MTCL2: variants seen among roughly 807,000 people sequenced by gnomAD.
MTCL2 encodes the protein microtubule crosslinking factor 2, also known as microtubule cross-linking factor 2.
At chr20:36,790,495 C>G in the MTCL2 span, among the ~76,000 whole-genome samples, 1 of 135,498 alleles carries the variant, frequency 7.4e-6, no homozygotes, top group Non-Finnish European at 1.5e-5. Context: ...AGTGCAGTGG[C>G]GTGGTCTCAG....
the MTCL2 span, chr20:36,785,133 A>G: frequency 6.0e-5 from 59 of 985,316 alleles, no homozygotes; most frequent in African/African-American, 7.0e-4. Flanking sequence ...ATTGAGTAAT[A>G]AGTAGTGTTC....
At chr20:36,823,057 C>T in the MTCL2 span, among the ~76,000 whole-genome samples, 1 of 152,226 alleles carries the variant, frequency 6.6e-6, no homozygotes, top group South Asian at 2.1e-4. Flanking sequence ...CTGTGCCCGG[C>T]CTACTGTAGA....
chr20:36,803,651 C>T, the MTCL2 span, among the ~76,000 whole-genome samples: 1 of 151,804 alleles, frequency 6.6e-6, no homozygotes, highest in East Asian at 1.9e-4. Flanking sequence ...AGACTGTGAG[C>T]AGTGGGAAGA....
At chr20:36,807,293 T>A in the MTCL2 span, among the ~76,000 whole-genome samples, 1 of 152,116 alleles carries the variant, frequency 6.6e-6, no homozygotes, top group Non-Finnish European at 1.5e-5. Context: ...TCCTGGGGCA[T>A]CTGGGCTCCT....
chr20:36,857,553 G>A, the MTCL2 span, among the ~76,000 whole-genome samples: 1 of 152,158 alleles, frequency 6.6e-6, no homozygotes, highest in African/African-American at 2.4e-5. Context: ...GACAGAGTAT[G>A]CCCAGGGACA....
chr20:36,795,558 T>C, the MTCL2 span, among the ~76,000 whole-genome samples: 2 of 152,120 alleles, frequency 1.3e-5, no homozygotes, highest in Non-Finnish European at 2.9e-5. Context: ...GCAGATCACC[T>C]GAGGTCAGGA....
chr20:36,835,594 G>T, the MTCL2 span, among the ~76,000 whole-genome samples: 6 of 152,032 alleles, frequency 3.9e-5, no homozygotes, highest in Admixed American at 3.9e-4. Flanking sequence ...CGATGCCAGG[G>T]AAAGCAGCAT....
chr20:36,832,748 C>T, the MTCL2 span, among the ~76,000 whole-genome samples: 1 of 152,164 alleles, frequency 6.6e-6, no homozygotes. Context: ...GAAGCTGAGG[C>T]AGGAGAATTG....
At chr20:36,842,122 C>G in the MTCL2 span, among the ~76,000 whole-genome samples, 1 of 152,102 alleles carries the variant, frequency 6.6e-6, no homozygotes, top group Non-Finnish European at 1.5e-5. Context: ...CCAGCTGTTC[C>G]TCACTTCTCC....
chr20:36,836,752 G>T, the MTCL2 span, among the ~76,000 whole-genome samples: 7 of 152,018 alleles, frequency 4.6e-5, no homozygotes, highest in African/African-American at 1.7e-4. Context: ...CTCCCAAAGC[G>T]CTGGGATTCT....
At chr20:36,808,100 C>A in the MTCL2 span, among the ~76,000 whole-genome samples, 12 of 150,802 alleles carry the variant, frequency 8.0e-5, no homozygotes, top group African/African-American at 2.9e-4. Flanking sequence ...TGGTCTCGAT[C>A]TCCTGACCTC....
chr20:36,793,534 C>T, the MTCL2 span: 28 of 1,551,552 alleles, frequency 1.8e-5, no homozygotes, highest in Admixed American at 2.0e-4. The surrounding 1 kb of genome is among the most constrained non-coding windows in gnomAD (Gnocchi z 6.8). Flanking sequence ...GCTTGGCCCG[C>T]GTCTCAGACA....
chr20:36,829,001 T>C, the MTCL2 span: 1 of 1,473,440 alleles, frequency 6.8e-7, no homozygotes, highest in East Asian at 2.6e-5. Context: ...TGGGGGGGCT[T>C]GCATGTGCCC....
the MTCL2 span, among the ~76,000 whole-genome samples, chr20:36,813,752 C>CAAAAAAAA: frequency 5.7e-4 from 37 of 65,340 alleles, no homozygotes; most frequent in South Asian, 2.1e-3. Flanking sequence ...GACTCTGTCT[C>CAAAAAAAA]AAAAAAAAAA....
chr20:36,851,323 GCAAAA>G, the MTCL2 span, among the ~76,000 whole-genome samples: 1 of 151,998 alleles, frequency 6.6e-6, no homozygotes, highest in Non-Finnish European at 1.5e-5. Context: ...AAAAAGCAAA[GCAAAA>G]CAAAACCTCC....
At chr20:36,840,715 G>C in the MTCL2 span, among the ~76,000 whole-genome samples, 1 of 151,768 alleles carries the variant, frequency 6.6e-6, no homozygotes, top group Non-Finnish European at 1.5e-5. Flanking sequence ...GCATGGTGGC[G>C]GGTGCCTGTA....
chr20:36,853,107 C>G, the MTCL2 span, among the ~76,000 whole-genome samples: 1 of 151,916 alleles, frequency 6.6e-6, no homozygotes, highest in African/African-American at 2.4e-5. Context: ...GACACGCAGC[C>G]TGGCATCACC....
chr20:36,824,565 G>A, the MTCL2 span, among the ~76,000 whole-genome samples: 1 of 152,092 alleles, frequency 6.6e-6, no homozygotes, highest in Non-Finnish European at 1.5e-5. Flanking sequence ...CCATGGAAAT[G>A]TTCTGGAATT....
chr20:36,804,895 T>TC, the MTCL2 span: 1 of 1,610,022 alleles, frequency 6.2e-7, no homozygotes, highest in Non-Finnish European at 8.5e-7. Context: ...CTTGATGTAC[T>TC]CATTGGGCTG....
Sources: allele counts gnomAD v4.1 joint callset (sites outside exome capture counted in the v4.1 genomes callset), GRCh38; gene constraint gnomAD v4.1.1; non-coding constraint Gnocchi (gnomAD v3.1); transcripts MANE v1.5; gene names NCBI Gene and HGNC (gene_info 2026-07-23, HGNC 2026-07-21).